RAB4B: variants seen among roughly 807,000 people sequenced by gnomAD.
RAB4B encodes RAB4B, member RAS oncogene family, also known as ras-related protein Rab-4B.
RAB4B carries 15 observed loss-of-function variants against 28.3 expected under a neutral mutation model. That is an observed-to-expected ratio of 0.53 (90% CI 0.35 to 0.82). RAB4B has a LOEUF of 0.82. Among genes scored for constraint, RAB4B ranks in the 40% least tolerant of loss-of-function variants. The probability of loss-of-function intolerance (pLI) is 0.01; values close to 1 mark genes in which losing one functional copy is unlikely to be tolerated. For missense variants in RAB4B, 244 were observed against 288.5 expected (o/e 0.85, Z 1.12); for synonymous variants, 108 against 116.3 (o/e 0.93, Z 0.46).
intron 1 of RAB4B, chr19:40,779,073 A>C (rs751321134): frequency 2.0e-4 from 196 of 966,414 alleles, no homozygotes; most frequent in Non-Finnish European, 2.4e-4. Flanking sequence ...CCAGCTTGTC[A>C]TTTTCAGGGA....
At chr19:40,790,594 C>T (rs751521093) in intron 7 of RAB4B, among the ~76,000 whole-genome samples, 2 of 150,506 alleles carry the variant, frequency 1.3e-5, no homozygotes, top group South Asian at 2.1e-4. Context: ...AGGATGGTCT[C>T]GATCTCCTGA....
intron 3 of RAB4B, among the ~76,000 whole-genome samples, chr19:40,783,147 CAAAAAAAAAAAAAAAAAAA>C (rs1168587843): frequency 2.8e-5 from 1 of 35,682 alleles, no homozygotes; most frequent in Non-Finnish European, 6.1e-5. Context: ...GATTCCTACT[CAAAAAAAAAAAAAAAAAAA>C]AAAAAAGAAA....
chr19:40,794,542 A>C (rs1439733874), intron 7 of RAB4B: 1 of 151,576 alleles, frequency 6.6e-6, no homozygotes, highest in Non-Finnish European at 1.5e-5. Context: ...AACCAATAGA[A>C]TATTCTTATT....
At position 40,796,596 on chromosome 19, in the gene RAB4B, G is replaced by C. The variant is rs45600135; in HGVS notation, c.*42G>C. The C allele has an allele frequency of 6.5e-6, 1 of 152,892 alleles. No individual in the cohort carries two copies. The allele number at this position is 152,892 out of a possible 1,614,324, so 9.5% of individuals were successfully genotyped here. On this transcript the variant is annotated 3_prime_UTR_variant, in exon 8 of 8. Coordinates refer to ENST00000357052, the MANE Select transcript of RAB4B (RefSeq NM_016154.5). ...TCACCTGTTCTCCAGGACCAGCCCTGCTGGGGCCCAGGCCCAGGCTCTGAG... is the reference window on the plus strand; with the variant it reads ...TCACCTGTTCTCCAGGACCAGCCCTCCTGGGGCCCAGGCCCAGGCTCTGAG...
At position 40,786,649 on chromosome 19, in the gene RAB4B, G is replaced by T. The variant is rs754499918; in HGVS notation, c.431-16G>T. ...GACTAACTGGGGCCCTGACCTCAGA[G>T]TGTGTGCCCCTGCAGAGCTGATGTT... On this transcript the variant is annotated splice_polypyrimidine_tract_variant and intron_variant, in intron 5 of 7. Coordinates refer to ENST00000357052, the MANE Select transcript of RAB4B (RefSeq NM_016154.5). 1 of 1,613,770 alleles carries T rather than the reference G, an allele frequency of 6.2e-7. No individual in the cohort carries two copies. Among genetic ancestry groups the T allele is most frequent in the African/African-American group, 1.3e-5 (1 of 74,896 alleles).
At position 40,783,242 on chromosome 19, in the gene RAB4B, G is replaced by A. The variant is rs183075317; in HGVS notation, c.213-536G>A. Among the ~76,000 whole-genome samples the A allele has an allele frequency of 8.1e-4, 122 of 150,986 alleles. 1 individual carries two copies. Among genetic ancestry groups the A allele is most frequent in the African/African-American group, 2.8e-3 (117 of 41,086 alleles). On this transcript the variant is annotated intron_variant, in intron 3 of 7. Coordinates refer to ENST00000357052, the MANE Select transcript of RAB4B (RefSeq NM_016154.5). ...AGCCCAGGAGTTGGAGACCAGCCTC[G>A]GCAACCTAGCAAAGCCCCATCTTTA...
chr19:40,785,223 G>T (rs1011769707), intron 5 of RAB4B, among the ~76,000 whole-genome samples: 1 of 151,658 alleles, frequency 6.6e-6, no homozygotes, highest in African/African-American at 2.4e-5. Flanking sequence ...AGGTTTGCAA[G>T]GGCCAACCAC....
At chr19:40,795,985 G>T (rs905541134) in intron 7 of RAB4B, among the ~76,000 whole-genome samples, 6 of 152,180 alleles carry the variant, frequency 3.9e-5, no homozygotes, top group African/African-American at 1.4e-4. Flanking sequence ...GGGATTACAG[G>T]CATGAGCCAC....
chr19:40,786,285 C>A, intron 5 of RAB4B: 1 of 328,840 alleles, frequency 3.0e-6, no homozygotes, highest in Non-Finnish European at 5.9e-6. Flanking sequence ...TGGGGCAGGC[C>A]CAGGCAGAAG....
chr19:40,783,893 GCCTC>G lies in RAB4B; in HGVS notation c.276-20_276-17del, dbSNP rs1202078505. The G allele has an allele frequency of 7.5e-6, 12 of 1,589,996 alleles. No homozygotes were observed. In the Admixed American group the frequency reaches 1.7e-4, roughly 23 times the overall value. ...GCATGGGTGGTTCCTCTCCTGCACT[GCCTC>G]CCTCCCTTCTCCCTTCTCCACAGCC... On this transcript the variant is annotated intron_variant, in intron 4 of 7. Coordinates refer to ENST00000357052, the MANE Select transcript of RAB4B (RefSeq NM_016154.5).
chr19:40,788,121 A>G (rs534940794), intron 7 of RAB4B, among the ~76,000 whole-genome samples: 1 of 152,122 alleles, frequency 6.6e-6, no homozygotes, highest in South Asian at 2.1e-4. Flanking sequence ...TGCTCAAGGC[A>G]CTGGGGATAT....
At chr19:40,794,074 TTA>T (rs2083185886) in intron 7 of RAB4B, among the ~76,000 whole-genome samples, 1 of 151,202 alleles carries the variant, frequency 6.6e-6, no homozygotes, top group Non-Finnish European at 1.5e-5. Context: ...TCTTTTTAAA[TTA>T]TTATTATTAT....
rs747337511 is a variant in RAB4B at position 40,780,522 on chromosome 19, G to A, written c.212+23G>A. The A allele has an allele frequency of 5.0e-6, 8 of 1,584,984 alleles. No individual in the cohort carries two copies. In the Admixed American group the frequency reaches 6.8e-5, roughly 13 times the overall value. ...TCGGTAGGTGGGCTGGGCTCCCAAGGGTGATGGGGAGAGAGAGTGAGAAGG... is the reference window on the plus strand; with the variant it reads ...TCGGTAGGTGGGCTGGGCTCCCAAGAGTGATGGGGAGAGAGAGTGAGAAGG... On this transcript the variant is annotated intron_variant, in intron 3 of 7. Coordinates refer to ENST00000357052, the MANE Select transcript of RAB4B (RefSeq NM_016154.5).
chr19:40,792,314 A>G (rs2083166541), intron 7 of RAB4B: 1 of 152,262 alleles, frequency 6.6e-6, no homozygotes, highest in African/African-American at 2.4e-5. Context: ...GAAGAAATAC[A>G]TTAATTCACG....
intron 7 of RAB4B, among the ~76,000 whole-genome samples, chr19:40,791,106 C>T (rs1463679654): frequency 5.3e-5 from 8 of 152,130 alleles, no homozygotes; most frequent in Non-Finnish European, 8.8e-5. Flanking sequence ...CCACCTGCCT[C>T]GGCCTCCCAA....
chr19:40,778,526 G>A (rs1311962341), intron 1 of RAB4B, 135 bp downstream of exon 1: 2 of 863,692 alleles, frequency 2.3e-6, no homozygotes, highest in Non-Finnish European at 3.3e-6. Context: ...GATGCTGGGA[G>A]GGGTTTAGTG....
chr19:40,782,861 G>T (rs1263981001), intron 3 of RAB4B, among the ~76,000 whole-genome samples: 1 of 140,910 alleles, frequency 7.1e-6, no homozygotes, highest in African/African-American at 2.7e-5. Flanking sequence ...ATGTAGGGCC[G>T]GGCACAGTGG....
rs34532358 is a variant in RAB4B, at chr19:40,782,818, G to GTCAATCAA, written c.213-942_213-935dup. Among the ~76,000 whole-genome samples, 48 of 146,154 alleles carry GTCAATCAA rather than the reference G, an allele frequency of 3.3e-4. 1 individual carries two copies. Among genetic ancestry groups the GTCAATCAA allele is most frequent in the Middle Eastern group, 3.7e-3 (1 of 272 alleles). ...ACAGAGCAAAACTCCATCTCAATCA[G>GTCAATCAA]TCAATCAATCAATCAATCAATCAAT... On this transcript the variant is annotated intron_variant, in intron 3 of 7. Coordinates refer to ENST00000357052, the MANE Select transcript of RAB4B (RefSeq NM_016154.5).
chr19:40,778,463 G>A, intron 1 of RAB4B, 72 bp downstream of exon 1: 1 of 1,367,736 alleles, frequency 7.3e-7, no homozygotes, highest in Non-Finnish European at 9.5e-7. Context: ...GAATGGGCGG[G>A]GCTTTGTAGA....
Sources: allele counts gnomAD v4.1 joint callset (sites outside exome capture counted in the v4.1 genomes callset), GRCh38; gene constraint gnomAD v4.1.1; transcripts MANE v1.5; gene names NCBI Gene and HGNC (gene_info 2026-07-23, HGNC 2026-07-21).